AMOTL1: variants seen among roughly 807,000 people sequenced by gnomAD.
AMOTL1 encodes angiomotin like 1, also known as angiomotin-like protein 1.
Under a neutral mutation model 102.9 loss-of-function variants are expected in AMOTL1, and 45 were observed. The ratio of observed to expected loss-of-function variants is 0.44; its 90% CI spans 0.34 to 0.56. AMOTL1 has a LOEUF of 0.56. AMOTL1 is among the 20% of genes least tolerant of loss of function. The pLI, the probability that AMOTL1 is intolerant of heterozygous loss-of-function variation, is 0.01. For synonymous variants in AMOTL1, 481 were observed against 484.7 expected (o/e 0.99, Z 0.10); for missense variants, 1,114 against 1,225.6 (o/e 0.91, Z 1.36).
At chr11:94,805,533 C>T (rs1265465732) in intron 3 of AMOTL1, among the ~76,000 whole-genome samples, 1 of 152,038 alleles carries the variant, frequency 6.6e-6, no homozygotes, top group Non-Finnish European at 1.5e-5. Context: ...AGGCAGTATC[C>T]ATTTGGAAAA....
rs377110840 is a variant in AMOTL1, at chr11:94,821,606, G to A, written c.1198G>A (p.Gly400Arg). 1.7e-5 allele frequency: 27 copies of A among 1,613,628 alleles called. No individual in the cohort carries two copies. Among genetic ancestry groups the A allele is most frequent in the African/African-American group, 9.3e-5 (7 of 74,910 alleles). ...PMSSQTSSAS[G>R]PLHSVSLPLP... ...GTCCTCCCAGACCTCTTCCGCCAGC[G>A]GGCCACTGCACTCTGTCTCCCTGCC... Residue 400 changes from glycine to arginine, a missense_variant, in exon 4 of 13, where the codon GGG becomes AGG. Gly to Arg is a moderately radical substitution (Grantham distance 125). Coordinates refer to ENST00000433060, the MANE Select transcript of AMOTL1 (RefSeq NM_130847.3).
chr11:94,838,833 TA>T (rs1355069694), intron 6 of AMOTL1, among the ~76,000 whole-genome samples: 1 of 152,186 alleles, frequency 6.6e-6, no homozygotes, highest in Non-Finnish European at 1.5e-5. Flanking sequence ...AGAAATGCAG[TA>T]AAAAATTTTA....
intron 1 of AMOTL1, among the ~76,000 whole-genome samples, chr11:94,769,660 G>A (rs1005543485): frequency 6.6e-6 from 1 of 152,130 alleles, no homozygotes; most frequent in African/African-American, 2.4e-5. Flanking sequence ...CTTTTGGCCG[G>A]GCTAGCGTGT....
intron 3 of AMOTL1, among the ~76,000 whole-genome samples, chr11:94,741,766 G>A (rs1448888373): frequency 1.3e-5 from 2 of 151,892 alleles, no homozygotes; most frequent in Non-Finnish European, 2.9e-5. Flanking sequence ...CTACTGGTCT[G>A]GGCTATCAAG....
At chr11:94,745,195 C>T (rs1565336715) in intron 3 of AMOTL1, among the ~76,000 whole-genome samples, 1 of 151,156 alleles carries the variant, frequency 6.6e-6, no homozygotes, top group Non-Finnish European at 1.5e-5. Flanking sequence ...AATGCTATCC[C>T]TCCCCCATCC....
intron 9 of AMOTL1, among the ~76,000 whole-genome samples, chr11:94,862,181 C>T (rs1029861490): frequency 6.6e-6 from 1 of 152,180 alleles, no homozygotes; most frequent in African/African-American, 2.4e-5. Context: ...ACTACCCTCC[C>T]CATTACAGAC....
chr11:94,852,500 T>C (rs1012677892), intron 7 of AMOTL1, among the ~76,000 whole-genome samples: 1 of 152,236 alleles, frequency 6.6e-6, no homozygotes, highest in African/African-American at 2.4e-5. Flanking sequence ...ATCAAGTTGA[T>C]GCCTAAGCCT....
chr11:94,760,782 C>T (rs1483060947), intron 3 of AMOTL1, among the ~76,000 whole-genome samples: 1 of 152,148 alleles, frequency 6.6e-6, no homozygotes, highest in Admixed American at 6.6e-5. Flanking sequence ...GGTATTTGAG[C>T]ATCTAGCAGA....
intron 2 of AMOTL1, among the ~76,000 whole-genome samples, chr11:94,739,460 C>T (rs545171044): frequency 6.6e-6 from 1 of 152,084 alleles, no homozygotes; most frequent in East Asian, 1.9e-4. Context: ...CAATGCTGGC[C>T]GAAGGGGCTT....
At chr11:94,720,067 G>C (rs1181217299) in intron 1 of AMOTL1, among the ~76,000 whole-genome samples, 1 of 152,144 alleles carries the variant, frequency 6.6e-6, no homozygotes, top group African/African-American at 2.4e-5. Context: ...GAAGGCCACT[G>C]TGCTGAGGTA....
At chr11:94,723,957 C>G (rs1950214998) in intron 1 of AMOTL1, among the ~76,000 whole-genome samples, 1 of 152,050 alleles carries the variant, frequency 6.6e-6, no homozygotes, top group African/African-American at 2.4e-5. Context: ...AGAACCAAAC[C>G]CTTGGAGCAG....
chr11:94,797,123 A>G (rs1023218373), intron 2 of AMOTL1: 22 of 654,786 alleles, frequency 3.4e-5, no homozygotes, highest in African/African-American at 3.9e-5. Flanking sequence ...TTTTGGGAAA[A>G]TGATGTGCCG....
intron 3 of AMOTL1, among the ~76,000 whole-genome samples, chr11:94,816,298 G>A (rs1326556193): frequency 1.3e-5 from 2 of 152,156 alleles, no homozygotes; most frequent in East Asian, 3.9e-4. Flanking sequence ...TTATCCTAAA[G>A]GCCTAAAGGA....
chr11:94,725,411 C>T (rs2566896), intron 1 of AMOTL1, among the ~76,000 whole-genome samples: 70,843 of 151,950 alleles, frequency 0.47, 18,518 homozygotes, highest in Non-Finnish European at 0.58. Context: ...AGCTGAAATA[C>T]ACTTGTGCCA....
intron 3 of AMOTL1, among the ~76,000 whole-genome samples, chr11:94,758,764 A>C (rs1297144787): frequency 1.3e-5 from 2 of 152,212 alleles, no homozygotes; most frequent in East Asian, 3.8e-4. Flanking sequence ...TTTGGGATAT[A>C]ATTTGAATGA....
Position 94,866,016 on chromosome 11 carries a change from A to T in AMOTL1, c.2336A>T (p.Asp779Val), listed in dbSNP as rs1022953982. The T allele has an allele frequency of 1.2e-6, 2 of 1,613,864 alleles. No individual in the cohort carries two copies. The highest frequency in any genetic ancestry group is 1.7e-6 in the Non-Finnish European group (2 of 1,179,890). ...IKVLQQRSRK[D>V]AGKTDSSSLR... ...GTCCTGCAGCAGCGATCTCGTAAAGATGCCGGGAAGACAGACTCCTCCAGC... is the reference window on the plus strand; with the variant it reads ...GTCCTGCAGCAGCGATCTCGTAAAGTTGCCGGGAAGACAGACTCCTCCAGC... Residue 779 changes from aspartate to valine, a missense_variant, in exon 11 of 13, where the codon GAT (aspartate) becomes GTT (valine). Asp to Val is a radical substitution (Grantham distance 152). Transcript: ENST00000433060.
chr11:94,768,410 T>A lies in AMOTL1; in HGVS notation c.-102T>A. 1.3e-6 allele frequency: 2 copies of A among 1,527,728 alleles called. No individual in the cohort carries two copies. Among genetic ancestry groups the A allele is most frequent in the Admixed American group, 2.0e-5 (1 of 50,106 alleles). The allele number at this position is 1,527,728 out of a possible 1,614,324, so 94.6% of individuals were successfully genotyped here. A position where few individuals can be genotyped will look rare whatever the true frequency, so the allele number is the denominator to read the frequency against. ...CGGTTGTCGGGTTTGGGGCTGGAGG[T>A]GAAGCCCTGTGTGAATGGGGTTGAT... On this transcript the variant is annotated 5_prime_UTR_variant, in exon 1 of 13. Coordinates refer to ENST00000433060, the MANE Select transcript of AMOTL1 (RefSeq NM_130847.3).
chr11:94,793,485 A>T (rs568768359), intron 1 of AMOTL1, among the ~76,000 whole-genome samples: 9 of 152,318 alleles, frequency 5.9e-5, no homozygotes, highest in Admixed American at 2.0e-4. Flanking sequence ...CTGGGTACAG[A>T]GATTTTAAAA....
intron 4 of AMOTL1, among the ~76,000 whole-genome samples, chr11:94,828,207 GTTTATGTTGTA>G (rs957162552): frequency 6.6e-6 from 1 of 152,122 alleles, no homozygotes; most frequent in Admixed American, 6.6e-5. Context: ...AGCTGTGAAT[GTTTATGTTGTA>G]TTTGCTTTCT....
Sources: allele counts gnomAD v4.1 joint callset (sites outside exome capture counted in the v4.1 genomes callset), GRCh38; gene constraint gnomAD v4.1.1; transcripts MANE v1.5; gene names NCBI Gene and HGNC (gene_info 2026-07-23, HGNC 2026-07-21).